Variants in MAP3K14 observed in about 807,000 individuals in gnomAD.
MAP3K14 encodes NF-kappa-beta-inducing kinase.
Under a neutral mutation model 99.2 loss-of-function variants are expected in MAP3K14, and 16 were observed. The ratio of observed to expected loss-of-function variants is 0.16; its 90% CI spans 0.11 to 0.24. MAP3K14 has a LOEUF of 0.24. Ranked by LOEUF, MAP3K14 falls within the 10% of genes least tolerant of loss-of-function variation. MAP3K14 has a pLI of 1.00. For synonymous variants in MAP3K14, 462 were observed against 492.4 expected, an observed-to-expected ratio of 0.94 and a Z score of 0.82; for missense variants, 784 against 1,208.7, an observed-to-expected ratio of 0.65 and a Z score of 5.21.
At position 45,308,981 on chromosome 17, in the gene MAP3K14, T is replaced by A. The variant is rs564289997; in HGVS notation, c.-21+7979A>T. ...TGCGCCTGGCAATGTCCAGCTAGTT[T>A]AAAAAAATTTTTTTTTTGGAGGTGG... is the stretch of plus-strand genomic sequence containing the variant. On this transcript the variant is annotated intron_variant, in intron 1 of 15. Transcript: ENST00000344686. Among the ~76,000 whole-genome samples, 13 of 113,108 alleles carry A rather than the reference T, an allele frequency of 1.1e-4. No individual in the cohort carries two copies. The South Asian group carries it at 1.3e-3, about 12-fold the overall frequency. The allele number at this position is 113,108 out of a possible 152,430, so 74.2% of individuals were successfully genotyped here. A position where few individuals can be genotyped will look rare whatever the true frequency, so the allele number is the denominator to read the frequency against.
chr17:45,300,023 A>G (rs565284392), intron 1 of MAP3K14, among the ~76,000 whole-genome samples: 1 of 152,224 alleles, frequency 6.6e-6, no homozygotes, highest in African/African-American at 2.4e-5. Flanking sequence ...CTAGAGGTGG[A>G]GGTTGCAGTG....
chr17:45,275,494 AC>A (rs1567990325), intron 6 of MAP3K14, among the ~76,000 whole-genome samples: 3 of 79,814 alleles, frequency 3.8e-5, no homozygotes, highest in South Asian at 6.4e-4. Context: ...AAAAAAAAAA[AC>A]AAAAAAAAAC....
In MAP3K14 at chr17:45,267,393, C is replaced by A; in HGVS notation, c.2326+13G>T. Reference sequence around the variant, plus strand: ...AGTGCTCAGGGCCCCACTGCAGCCACGGCTGCCCGTACCTATTTCCAGCTG... The same window carrying A: ...AGTGCTCAGGGCCCCACTGCAGCCAAGGCTGCCCGTACCTATTTCCAGCTG... On this transcript the variant is annotated intron_variant, in intron 12 of 15. Transcript: ENST00000344686. This position sits in a 1 kb window ranked among gnomAD's most constrained non-coding sequence, Gnocchi z 5.1. 1.9e-6 allele frequency: 3 copies of A among 1,570,022 alleles called. No homozygotes were observed. The South Asian group carries it at 3.5e-5, about 18-fold the overall frequency.
At chr17:45,312,736 A>G (rs549160779) in intron 1 of MAP3K14, among the ~76,000 whole-genome samples, 1 of 152,254 alleles carries the variant, frequency 6.6e-6, no homozygotes, top group African/African-American at 2.4e-5. Flanking sequence ...GGGAATCTGC[A>G]AGTCCTTGAC....
intron 1 of MAP3K14, among the ~76,000 whole-genome samples, chr17:45,295,223 AT>A (rs35287303): frequency 4.4e-4 from 65 of 148,522 alleles, no homozygotes; most frequent in South Asian, 4.3e-4. Context: ...AGCCTTAACA[AT>A]TTTTTTTTTT....
chr17:45,271,907 A>T (rs1183385221), intron 9 of MAP3K14, among the ~76,000 whole-genome samples: 1 of 152,214 alleles, frequency 6.6e-6, no homozygotes, highest in African/African-American at 2.4e-5. Flanking sequence ...GAAATTTAAA[A>T]ATTGTAATAG....
At chr17:45,290,124 T>C (rs1169569271) in intron 2 of MAP3K14, among the ~76,000 whole-genome samples, 1 of 152,168 alleles carries the variant, frequency 6.6e-6, no homozygotes, top group East Asian at 1.9e-4. Context: ...CAGGCCCCAG[T>C]GGGGCTTTCC....
chr17:45,309,390 A>G (rs1047821785), intron 1 of MAP3K14, among the ~76,000 whole-genome samples: 13 of 152,212 alleles, frequency 8.5e-5, no homozygotes, highest in South Asian at 2.1e-4. Flanking sequence ...TCCTATAGTC[A>G]TGGCTCCTGA....
At chr17:45,279,373 C>T (rs1257148165) in intron 6 of MAP3K14, among the ~76,000 whole-genome samples, 1 of 152,062 alleles carries the variant, frequency 6.6e-6, no homozygotes, top group Non-Finnish European at 1.5e-5. Context: ...GTGATTCACC[C>T]GCCTCGGCCT....
Position 45,287,438 on chromosome 17 carries a change from C to T in MAP3K14, c.327-74G>A, listed in dbSNP as rs997309258. The T allele has an allele frequency of 1.5e-5, 20 of 1,293,154 alleles. No individual in the cohort carries two copies. In the African/African-American group the frequency reaches 2.9e-4, roughly 19 times the overall value. 80.1% of individuals were successfully genotyped at this position (1,293,154 alleles called of 1,614,324 possible). On this transcript the variant is annotated intron_variant, in intron 3 of 15. Transcript: ENST00000344686. The stretch of plus-strand genomic sequence containing the variant: ...GATGGACTGGTCCAGACACTTGTAT[C>T]TGGACTCCTGCAGATCCAAGGTCAA...
intron 1 of MAP3K14, among the ~76,000 whole-genome samples, chr17:45,299,995 T>A (rs2044373754): frequency 6.6e-6 from 1 of 152,044 alleles, no homozygotes; most frequent in Non-Finnish European, 1.5e-5. Flanking sequence ...GAGGCTGAGA[T>A]GAGAGAATTG....
At chr17:45,295,791 A>G (rs773902813) in intron 1 of MAP3K14, among the ~76,000 whole-genome samples, 5 of 152,216 alleles carry the variant, frequency 3.3e-5, no homozygotes, top group Non-Finnish European at 5.9e-5. Flanking sequence ...TGAAATGCCA[A>G]TCAGGTTGCC....
At chr17:45,283,171 T>A (rs1409365586) in intron 6 of MAP3K14, among the ~76,000 whole-genome samples, 1 of 152,194 alleles carries the variant, frequency 6.6e-6, no homozygotes, top group East Asian at 1.9e-4. Flanking sequence ...AGAAGCCCAG[T>A]GACTAAGCTC....
At chr17:45,266,030 A>G (rs1312699429) in intron 14 of MAP3K14, among the ~76,000 whole-genome samples, 1 of 152,210 alleles carries the variant, frequency 6.6e-6, no homozygotes, top group Non-Finnish European at 1.5e-5. Context: ...TGCCCTGGAG[A>G]GGGCCAGGGA....
rs751494478 is a variant in MAP3K14 at position 45,264,748 on chromosome 17, T to C, written c.2732A>G (p.Tyr911Cys). 1.2e-6 allele frequency: 2 copies of C among 1,613,378 alleles called. No individual in the cohort carries two copies. The highest frequency in any genetic ancestry group is 1.7e-6 in the Non-Finnish European group (2 of 1,179,702). The stretch of plus-strand genomic sequence containing the variant: ...GCCCGAGTCTGGCACCTCCATGTCG[T>C]AGCGAACAGGCTGCCCGTCTTTGGT... The part of the protein sequence containing the change: ...LVTKDGQPVR[Y>C]DMEVPDSGID... Residue 911 changes from tyrosine (Y) to cysteine (C), a missense_variant, in exon 16 of 16, where the codon TAC becomes TGC. Physicochemically the swap from Tyr to Cys is radical, Grantham distance 194. Coordinates refer to ENST00000344686, the MANE Select transcript of MAP3K14 (RefSeq NM_003954.5).
intron 1 of MAP3K14, among the ~76,000 whole-genome samples, chr17:45,308,981 T>C: frequency 8.8e-6 from 1 of 113,108 alleles, no homozygotes; most frequent in Non-Finnish European, 1.8e-5. Context: ...CCAGCTAGTT[T>C]AAAAAAATTT....
chr17:45,309,025 G>A (rs1457984509), intron 1 of MAP3K14, among the ~76,000 whole-genome samples: 2 of 152,126 alleles, frequency 1.3e-5, no homozygotes, highest in Admixed American at 1.3e-4. Context: ...ATGTTGTCCA[G>A]GCTGGTCTCC....
At chr17:45,276,166 A>AGGAGGCTTCTGG (rs1304317568) in intron 6 of MAP3K14, among the ~76,000 whole-genome samples, 2 of 152,138 alleles carry the variant, frequency 1.3e-5, no homozygotes, top group Admixed American at 1.3e-4. Flanking sequence ...GAGGCTTCTG[A>AGGAGGCTTCTGG]GGAGGCTTCT....
chr17:45,297,798 C>A (rs1350577120), intron 1 of MAP3K14, among the ~76,000 whole-genome samples: 8 of 148,196 alleles, frequency 5.4e-5, no homozygotes, highest in Non-Finnish European at 8.9e-5. Flanking sequence ...TGGCTCACTG[C>A]AACCTCAGCA....
Sources: allele counts gnomAD v4.1 joint callset (sites outside exome capture counted in the v4.1 genomes callset), GRCh38; gene constraint gnomAD v4.1.1; non-coding constraint Gnocchi (gnomAD v3.1); transcripts MANE v1.5; gene names NCBI Gene and HGNC (gene_info 2026-07-23, HGNC 2026-07-21).